LCK: variants seen among roughly 807,000 people sequenced by gnomAD.
The protein encoded by LCK is tyrosine-protein kinase Lck.
In LCK, 14 loss-of-function variants were observed where a neutral mutation model predicts 64.6. That is an observed-to-expected ratio of 0.22 (90% CI 0.14 to 0.34). The LOEUF (loss-of-function observed/expected upper bound fraction) is 0.34. LCK is among the 10% of genes least tolerant of loss of function. LCK has a pLI of 1.00. For missense variants in LCK, 434 were observed against 668.1 expected (o/e 0.65, Z 3.86); for synonymous variants, 277 against 263.6 (o/e 1.05, Z -0.49).
At chr1:32,278,083 G>A (rs1376875737) in intron 9 of LCK, among the ~76,000 whole-genome samples, 1 of 152,140 alleles carries the variant, frequency 6.6e-6, no homozygotes, top group East Asian at 1.9e-4. Flanking sequence ...GGAGGCTGAG[G>A]TGGGAGGATC....
rs2124368981 is a variant in LCK, at chr1:32,279,992, A to G, written c.1193A>G (p.Glu398Gly). Reference protein sequence around the residue: ...LIEDNEYTAREGAKFPIKWTA... With the variant: ...LIEDNEYTARGGAKFPIKWTA... ...GAGGACAACGAGTACACAGCCAGGG[A>G]GGGTACGTGTGAGATTTAAGGGTGG... The change falls in exon 11 of 13, where the codon GAG becomes GGG. Residue 398 changes from glutamate to glycine, a missense_variant and splice_region_variant. Around this residue, in one of 2 missense-constraint regions of LCK, gnomAD observed 201 missense variants for 376.9 expected, o/e 0.53. Coordinates refer to ENST00000336890, the MANE Select transcript of LCK (RefSeq NM_005356.5). 6.2e-7 allele frequency: 1 copy of G among 1,614,058 alleles called. No homozygotes were observed. Among genetic ancestry groups the G allele is most frequent in the East Asian group, 2.2e-5 (1 of 44,874 alleles).
chr1:32,251,875 T>C lies in LCK; in HGVS notation c.-6+504T>C, dbSNP rs574351418. Among the ~76,000 whole-genome samples, 1 of 134,926 alleles carries C rather than the reference T, an allele frequency of 7.4e-6. No homozygotes were observed. The highest frequency in any genetic ancestry group is 2.8e-5 in the African/African-American group (1 of 35,494). The allele number at this position is 134,926 out of a possible 152,430, so 88.5% of individuals were successfully genotyped here. A position where few individuals can be genotyped will look rare whatever the true frequency, so the allele number is the denominator to read the frequency against. ...TTCTGGTTTCTGGGGCAGACCCCAG[T>C]GACAAGAATCTCCTGAGAAAGAGAG... On this transcript the variant is annotated intron_variant, in intron 1 of 12. Transcript: ENST00000336890. The surrounding 1 kb of genome is among the most constrained non-coding windows in gnomAD (Gnocchi z 4.0).
rs11576030 is a variant in LCK, at chr1:32,275,558, G to T, written c.378-11G>T. ...CAGCCGACGGCCTTCGTTCGCTTCC[G>T]CCCTGCACAGCTGGTTCTTCAAGAA... is the stretch of plus-strand genomic sequence containing the variant. On this transcript the variant is annotated splice_polypyrimidine_tract_variant and intron_variant, in intron 5 of 12. Transcript: ENST00000336890. This position sits in a 1 kb window ranked among gnomAD's most constrained non-coding sequence, Gnocchi z 6.9. 3.1e-3 allele frequency: 4,814 copies of T among 1,563,830 alleles called. 106 individuals carry two copies. In the African/African-American group the frequency reaches 0.055, roughly 18 times the overall value.
intron 1 of LCK, among the ~76,000 whole-genome samples, chr1:32,258,207 C>T (rs1639674029): frequency 6.6e-6 from 1 of 151,230 alleles, no homozygotes; most frequent in Admixed American, 6.6e-5. Flanking sequence ...CACTTGAGCC[C>T]AGGTGGTTGA....
At chr1:32,261,240 A>ATTTT (rs533208515) in intron 1 of LCK, among the ~76,000 whole-genome samples, 18 of 106,110 alleles carry the variant, frequency 1.7e-4, no homozygotes, top group East Asian at 2.7e-4. Context: ...TGCTTGGCTA[A>ATTTT]TTTTTTTTTT....
rs551789267 is a variant in LCK, at chr1:32,259,641, T to A, written c.-6+8270T>A. 3.9e-3 allele frequency among the ~76,000 whole-genome samples: 564 copies of A among 145,722 alleles called. 3 individuals carry two copies. The highest frequency in any genetic ancestry group is 0.014 in the African/African-American group (553 of 39,274). ...TCTAAAAAAATAAAAATAATAATAATAATAATAATGATAATAATAATAGCC... is the reference window on the plus strand; with the variant it reads ...TCTAAAAAAATAAAAATAATAATAAAAATAATAATGATAATAATAATAGCC... On this transcript the variant is annotated intron_variant, in intron 1 of 12. Transcript: ENST00000336890.
In LCK at chr1:32,276,401, G is replaced by C. The variant is rs11576034; in HGVS notation, c.696G>C (p.Pro232=). ...GCCAGACCCAGAAGCCCCAGAAGCC[G>C]TGGTGGGAGGACGAGTGGGAGGTTC... is the stretch of plus-strand genomic sequence containing the variant. ...RPCQTQKPQK[P]WWEDEWEVPR... is the part of the protein sequence containing the mutation. The change falls in exon 8 of 13, where the codon CCG becomes CCC. Residue 232 remains proline, a synonymous_variant. Coordinates refer to ENST00000336890, the MANE Select transcript of LCK (RefSeq NM_005356.5). This position sits in a 1 kb window ranked among gnomAD's most constrained non-coding sequence, Gnocchi z 4.6. 2.5e-6 allele frequency: 4 copies of C among 1,612,322 alleles called. No individual in the cohort carries two copies. The highest frequency in any genetic ancestry group is 3.4e-6 in the Non-Finnish European group (4 of 1,179,848).
At position 32,275,887 on chromosome 1, in the gene LCK, G is replaced by A; in HGVS notation, c.482-27G>A. On this transcript the variant is annotated intron_variant, in intron 6 of 12. Transcript: ENST00000336890. This position sits in a 1 kb window ranked among gnomAD's most constrained non-coding sequence, Gnocchi z 6.9. ...GCCAGACTCACTGCGTTCTTTCGTC[G>A]CTTTGTCCATCCATTCATTCATTCA... is the stretch of plus-strand genomic sequence containing the variant. 1.9e-6 allele frequency: 3 copies of A among 1,612,608 alleles called. No homozygotes were observed. Among genetic ancestry groups the A allele is most frequent in the Middle Eastern group, 1.7e-4 (1 of 6,044 alleles).
intron 1 of LCK, among the ~76,000 whole-genome samples, chr1:32,268,506 G>A (rs907074314): frequency 9.2e-5 from 14 of 151,402 alleles, no homozygotes; most frequent in African/African-American, 3.4e-4. Flanking sequence ...AATAATAAGA[G>A]GCTTGCTTGA....
chr1:32,263,402 A>AAAAT (rs148681600), intron 1 of LCK, among the ~76,000 whole-genome samples: 12,383 of 140,966 alleles, frequency 0.088, 641 homozygotes, highest in Non-Finnish European at 0.11. Context: ...CAAAATAAAT[A>AAAAT]AAATAAATAA....
intron 12 of LCK, among the ~76,000 whole-genome samples, chr1:32,281,079 A>C (rs950876657): frequency 6.6e-6 from 1 of 151,908 alleles, no homozygotes; most frequent in Non-Finnish European, 1.5e-5. Flanking sequence ...CCATCTCTAC[A>C]AAAACAAAAG....
chr1:32,254,649 A>T (rs1569893954), intron 1 of LCK, among the ~76,000 whole-genome samples: 1 of 152,110 alleles, frequency 6.6e-6, no homozygotes, highest in African/African-American at 2.4e-5. Context: ...AGTAGCTGGG[A>T]TTACAGGCAT....
At chr1:32,268,813 C>CAA (rs1203257987) in intron 1 of LCK, among the ~76,000 whole-genome samples, 2 of 53,278 alleles carry the variant, frequency 3.8e-5, no homozygotes, top group Non-Finnish European at 7.8e-5. Context: ...AACTCCGTCT[C>CAA]AAAAAAAAAA....
rs1311579664 is a variant in LCK, at chr1:32,285,892, C to T, written c.*176C>T. 2 of 655,024 alleles carry T rather than the reference C, an allele frequency of 3.1e-6. No individual in the cohort carries two copies. Among genetic ancestry groups the T allele is most frequent in the East Asian group, 5.5e-5 (2 of 36,638 alleles). The allele number at this position is 655,024 out of a possible 1,614,324, so 40.6% of individuals were successfully genotyped here. A position where few individuals can be genotyped will look rare whatever the true frequency, so the allele number is the denominator to read the frequency against. On this transcript the variant is annotated 3_prime_UTR_variant, in exon 13 of 13. Coordinates refer to ENST00000336890, the MANE Select transcript of LCK (RefSeq NM_005356.5). ...TACACGTGTCCTGTAGTTGCGTGGA[C>T]TCTGCACATGTCTTGTACATGTGTA... is the stretch of plus-strand genomic sequence containing the variant.
At chr1:32,262,525 C>A (rs989811142) in intron 1 of LCK, among the ~76,000 whole-genome samples, 3 of 150,426 alleles carry the variant, frequency 2.0e-5, no homozygotes, top group Admixed American at 1.3e-4. Flanking sequence ...TGGGTTCAAG[C>A]GATTCTCCTG....
chr1:32,282,591 G>A (rs1640494140), intron 12 of LCK, among the ~76,000 whole-genome samples: 1 of 152,134 alleles, frequency 6.6e-6, no homozygotes, highest in East Asian at 1.9e-4. Context: ...GGATCACAAG[G>A]TGAGGAGTTT....
chr1:32,263,024 C>T (rs189371976), intron 1 of LCK, among the ~76,000 whole-genome samples: 29 of 152,222 alleles, frequency 1.9e-4, no homozygotes, highest in Non-Finnish European at 3.1e-4. Context: ...GAGGCTGCCT[C>T]TGACTAGGGC....
At position 32,253,004 on chromosome 1, in the gene LCK, G is replaced by A. The variant is rs551440294; in HGVS notation, c.-6+1633G>A. ...GACAGGCCGACCCAGTCACAATTCC[G>A]CTGGACCATTTCCTTGAGCAAGTGG... On this transcript the variant is annotated intron_variant, in intron 1 of 12. Coordinates refer to ENST00000336890, the MANE Select transcript of LCK (RefSeq NM_005356.5). 6.6e-5 allele frequency among the ~76,000 whole-genome samples: 10 copies of A among 152,242 alleles called. No homozygotes were observed. In the South Asian group the frequency reaches 1.5e-3, roughly 22 times the overall value.
intron 1 of LCK, among the ~76,000 whole-genome samples, chr1:32,259,289 T>TGAAA (rs1553151851): frequency 1.6e-5 from 2 of 124,210 alleles, no homozygotes; most frequent in African/African-American, 6.2e-5. Context: ...GCTTCTCAGG[T>TGAAA]AAAAAAAAAA....
Sources: allele counts gnomAD v4.1 joint callset (sites outside exome capture counted in the v4.1 genomes callset), GRCh38; gene constraint gnomAD v4.1.1; regional missense constraint gnomAD v4.1.1; non-coding constraint Gnocchi (gnomAD v3.1); transcripts MANE v1.5; gene names NCBI Gene and HGNC (gene_info 2026-07-23, HGNC 2026-07-21).